PKD1L1: variants seen among roughly 807,000 people sequenced by gnomAD.
PKD1L1 encodes the protein polycystin 1 like 1, transient receptor potential channel interacting, also known as polycystin-1-like protein 1.
PKD1L1 carries 236 observed loss-of-function variants against 323.4 expected under a neutral mutation model. That is an observed-to-expected ratio of 0.73 (90% CI 0.66 to 0.81). The LOEUF (loss-of-function observed/expected upper bound fraction) is 0.81. PKD1L1 is among the 40% of genes least tolerant of loss of function. The probability of loss-of-function intolerance (pLI) is 0.00; values close to 1 mark genes in which losing one functional copy is unlikely to be tolerated. For synonymous variants in PKD1L1, 1,344 were observed against 1,335.0 expected (o/e 1.01, Z -0.15); for missense variants, 3,320 against 3,508.0 (o/e 0.95, Z 1.35).
chr7:47,786,867 C>A (rs1275985018), intron 56 of PKD1L1, among the ~76,000 whole-genome samples: 1 of 152,062 alleles, frequency 6.6e-6, no homozygotes, highest in Admixed American at 6.5e-5. Flanking sequence ...AGCTGAGAGG[C>A]CACAGAGTGC....
rs528480289 is a variant in PKD1L1 at position 47,809,512 on chromosome 7, G to T, written c.7647C>A (p.Gly2549=). ...TTGGCTTTCGCCAGTAGCTGAGGAC[G>T]CCCTTGTCCATCATACGGTAGAGTT... ...CVQLYRMMDK[G]VLSYWRKPRN... The change falls in exon 51 of 57, where the codon GGC becomes GGA. Residue 2549 remains glycine (G), a synonymous_variant. Coordinates refer to ENST00000289672, the MANE Select transcript of PKD1L1 (RefSeq NM_138295.5). 3.7e-6 allele frequency: 6 copies of T among 1,609,276 alleles called. No homozygotes were observed. Among genetic ancestry groups the T allele is most frequent in the Non-Finnish European group, 5.1e-6 (6 of 1,178,020 alleles).
intron 14 of PKD1L1, among the ~76,000 whole-genome samples, chr7:47,894,886 A>T (rs893771581): frequency 2.2e-4 from 33 of 152,186 alleles, no homozygotes; most frequent in African/African-American, 8.0e-4. Flanking sequence ...GCAATTTGAA[A>T]AAATACAGTC....
intron 36 of PKD1L1, among the ~76,000 whole-genome samples, chr7:47,837,340 G>A (rs1331821901): frequency 6.6e-6 from 1 of 152,172 alleles, no homozygotes; most frequent in African/African-American, 2.4e-5. Context: ...CAGGTGAACA[G>A]TACCTCATTC....
At chr7:47,799,374 C>T (rs1381157275) in intron 54 of PKD1L1, among the ~76,000 whole-genome samples, 1 of 152,200 alleles carries the variant, frequency 6.6e-6, no homozygotes, top group Non-Finnish European at 1.5e-5. Context: ...TAGTTTCCCT[C>T]TAGCTACTAA....
chr7:47,960,377 T>TTAA, the PKD1L1 span, among the ~76,000 whole-genome samples: 8 of 89,532 alleles, frequency 8.9e-5, no homozygotes, highest in African/African-American at 2.9e-4. Flanking sequence ...AAAAAAAAAT[T>TTAA]AAAAAAAAAA....
intron 31 of PKD1L1, among the ~76,000 whole-genome samples, chr7:47,851,794 T>C (rs1472576837): frequency 6.6e-6 from 1 of 151,812 alleles, no homozygotes; most frequent in Non-Finnish European, 1.5e-5. Flanking sequence ...ATGTACAACA[T>C]GCAGAAAATA....
upstream of PKD1L1, among the ~76,000 whole-genome samples, chr7:47,952,386 G>C (rs1788216646): frequency 6.6e-6 from 1 of 152,192 alleles, no homozygotes; most frequent in Admixed American, 6.5e-5. Context: ...CTTTGGGGAA[G>C]TGAGCACAGG....
rs769907870 is a variant in PKD1L1 at position 47,876,084 on chromosome 7, C to T, written c.3784+13G>A. On this transcript the variant is annotated intron_variant, in intron 23 of 56. Coordinates refer to ENST00000289672, the MANE Select transcript of PKD1L1 (RefSeq NM_138295.5). ...TGGCACAGCTAGTGACTCCAACTGG[C>T]ACCATAGCTTACCTTTGTAATTGTC... 7.4e-6 allele frequency: 12 copies of T among 1,613,260 alleles called. 2 individuals are homozygous for T. In the South Asian group the frequency reaches 1.3e-4, roughly 18 times the overall value.
chr7:47,884,718 CA>C, intron 18 of PKD1L1, 61 bp from the exon 19 acceptor site: 1 of 1,369,266 alleles, frequency 7.3e-7, no homozygotes. Flanking sequence ...CTGAAATTAA[CA>C]GCAGCTCCCC....
At chr7:47,838,729 T>C (rs1785505320) in intron 36 of PKD1L1, among the ~76,000 whole-genome samples, 1 of 151,648 alleles carries the variant, frequency 6.6e-6, no homozygotes. Flanking sequence ...AATACAAAAA[T>C]TAGCCGGGCA....
chr7:47,853,259 A>G (rs747090382), intron 30 of PKD1L1, 32 bp from the exon 31 acceptor site: 1 of 1,436,038 alleles, frequency 7.0e-7, no homozygotes, highest in African/African-American at 1.4e-5. Flanking sequence ...GGGATTTCTC[A>G]TTTTTTTCTT....
In PKD1L1 at chr7:47,889,971, G is replaced by A. The variant is rs148371422; in HGVS notation, c.2675+571C>T. On this transcript the variant is annotated intron_variant, in intron 16 of 56. Transcript: ENST00000289672. ...CTCACACCCTTCCTGCACTTGGCTC[G>A]GTCCTGGTATCCTGTGTTTGGTGTC... 3.8e-3 allele frequency among the ~76,000 whole-genome samples: 574 copies of A among 152,292 alleles called. 5 individuals carry two copies. The highest frequency in any genetic ancestry group is 0.013 in the African/African-American group (542 of 41,562).
chr7:47,808,165 C>T, intron 52 of PKD1L1, 82 bp downstream of exon 52: 1 of 1,525,416 alleles, frequency 6.6e-7, no homozygotes, highest in Non-Finnish European at 9.0e-7. Flanking sequence ...CTCGCACCTT[C>T]TAGAGTTTGT....
At chr7:47,916,370 G>A (rs1356002989) in intron 7 of PKD1L1, among the ~76,000 whole-genome samples, 1 of 152,154 alleles carries the variant, frequency 6.6e-6, no homozygotes, top group South Asian at 2.1e-4. Context: ...CTAAGATTTA[G>A]GTGCCTTAGT....
the PKD1L1 span, among the ~76,000 whole-genome samples, chr7:47,960,564 C>T: frequency 6.6e-6 from 1 of 151,346 alleles, no homozygotes; most frequent in African/African-American, 2.4e-5. Flanking sequence ...GACAGCTGAT[C>T]AGGTTTACCT....
chr7:47,883,488 G>T (rs772082221), intron 19 of PKD1L1, among the ~76,000 whole-genome samples: 6 of 152,174 alleles, frequency 3.9e-5, no homozygotes, highest in East Asian at 1.9e-4. Context: ...TTGGCTTAAG[G>T]GCTCCCCTTG....
chr7:47,915,601 T>C lies in PKD1L1; in HGVS notation c.1061-2A>G, dbSNP rs780706088. On this transcript the variant is annotated splice_acceptor_variant, in intron 7 of 56. Coordinates refer to ENST00000289672, the MANE Select transcript of PKD1L1 (RefSeq NM_138295.5). LOFTEE classifies it high-confidence loss of function. Reference sequence around the variant, plus strand: ...AATGTAAAAGATGAAAAAAAATACCTATAAAAGCAAAAAGAAGAAAATAAA... The same window carrying C: ...AATGTAAAAGATGAAAAAAAATACCCATAAAAGCAAAAAGAAGAAAATAAA... The C allele has an allele frequency of 1.1e-5, 17 of 1,494,634 alleles. No homozygotes were observed. The highest frequency in any genetic ancestry group is 1.7e-4 in the Middle Eastern group (1 of 5,742). 92.6% of individuals were successfully genotyped at this position (1,494,634 alleles called of 1,614,324 possible). A position where few individuals can be genotyped will look rare whatever the true frequency, so the allele number is the denominator to read the frequency against.
chr7:47,880,908 A>G (rs1035350846), intron 20 of PKD1L1, 103 bp from the exon 21 acceptor site: 6 of 800,946 alleles, frequency 7.5e-6, no homozygotes, highest in Non-Finnish European at 1.1e-5. Flanking sequence ...CCCAGGGGTG[A>G]AATTAACATA....
intron 44 of PKD1L1, among the ~76,000 whole-genome samples, chr7:47,828,780 G>A (rs377446588): frequency 6.6e-6 from 1 of 152,200 alleles, no homozygotes; most frequent in Non-Finnish European, 1.5e-5. Flanking sequence ...GATCCTTTGC[G>A]AGGAGGAGGG....
Sources: gnomAD v4.1 joint callset for allele counts (sites outside exome capture counted in the v4.1 genomes callset) on GRCh38, gnomAD v4.1.1 for gene constraint, MANE v1.5 for transcripts, NCBI Gene and HGNC (gene_info 2026-07-23, HGNC 2026-07-21) for gene names.